TAL1: variants seen among roughly 807,000 people sequenced by gnomAD.
TAL1 encodes the protein T-cell acute lymphocytic leukemia protein 1.
TAL1 carries 8 observed loss-of-function variants against 17.9 expected under a neutral mutation model. That is an observed-to-expected ratio of 0.45 (90% CI 0.26 to 0.81). The LOEUF is 0.81. Among genes scored for constraint, TAL1 ranks in the 30% least tolerant of loss-of-function variants. TAL1 has a pLI of 0.17. For missense variants in TAL1, 466 were observed against 486.9 expected (o/e 0.96, Z 0.40); for synonymous variants, 223 against 218.6 (o/e 1.02, Z -0.18).
chr1:47,222,116 A>G (rs1307713521), intron 3 of TAL1, among the ~76,000 whole-genome samples: 1 of 152,234 alleles, frequency 6.6e-6, no homozygotes, highest in Non-Finnish European at 1.5e-5. Context: ...AGCATCCCTC[A>G]GCAGTGACAT....
In TAL1 at chr1:47,217,482, C is replaced by CA. The variant is rs1645520260; in HGVS notation, c.*2237dup. 5 of 398,340 alleles carry CA rather than the reference C, an allele frequency of 1.3e-5. No homozygotes were observed. The South Asian group carries it at 6.4e-4, about 51-fold the overall frequency. 24.7% of individuals were successfully genotyped at this position (398,340 alleles called of 1,614,324 possible). ...AAAGCGGTTTACAATCTAAATTACC[C>CA]AAATGCTGGGCAGTCAGGCACACCG... On this transcript the variant is annotated 3_prime_UTR_variant, in exon 4 of 4. Coordinates refer to ENST00000294339, the Ensembl canonical transcript of TAL1.
At chr1:47,221,503 A>G (rs925053068) in intron 3 of TAL1, among the ~76,000 whole-genome samples, 1 of 152,228 alleles carries the variant, frequency 6.6e-6, no homozygotes, top group African/African-American at 2.4e-5. Context: ...CCAGGGGAAG[A>G]CAGTGAAGGG....
chr1:47,226,614 C>T (rs1029015436), intron 1 of TAL1, among the ~76,000 whole-genome samples: 4 of 152,334 alleles, frequency 2.6e-5, no homozygotes. Flanking sequence ...GTCCTCTGCC[C>T]GCCCAGCGGA....
intron 1 of TAL1, chr1:47,228,513 A>G (rs1051334686): frequency 5.4e-6 from 1 of 184,628 alleles, no homozygotes; most frequent in African/African-American, 2.3e-5. Flanking sequence ...GACAGCCAGA[A>G]TATTTCCACC....
At chr1:47,217,553 G>A (rs1216359875) in exon 4 of TAL1, 1 of 398,480 alleles carries the variant, frequency 2.5e-6, no homozygotes, top group African/African-American at 2.1e-5. Flanking sequence ...CCCCACTGCA[G>A]GATTGAGATT....
At chr1:47,225,811 C>T (rs1643900552) in exon 2 of TAL1, 5 of 1,574,268 alleles carry the variant, frequency 3.2e-6, no homozygotes, top group South Asian at 1.1e-5. Flanking sequence ...GCGGGGGGGC[C>T]ATGCTGGCCT....
intron 3 of TAL1, among the ~76,000 whole-genome samples, chr1:47,222,820 C>G (rs1346741073): frequency 2.0e-5 from 3 of 152,138 alleles, no homozygotes; most frequent in Non-Finnish European, 4.4e-5. Flanking sequence ...CTCCTGCACA[C>G]CCCACAAACC....
chr1:47,224,142 G>A, intron 2 of TAL1, 44 bp from the exon 4 acceptor site: 1 of 1,595,314 alleles, frequency 6.3e-7, no homozygotes, highest in Non-Finnish European at 8.6e-7. Flanking sequence ...ATGTTGAGGG[G>A]AGGGGAGAAA....
intron 3 of TAL1, among the ~76,000 whole-genome samples, chr1:47,222,200 A>G (rs1406099716): frequency 6.6e-6 from 1 of 152,204 alleles, no homozygotes; most frequent in Non-Finnish European, 1.5e-5. Flanking sequence ...GGGGGTACTT[A>G]TGACTGCTGT....
At chr1:47,223,217 G>A (rs1239829173) in intron 3 of TAL1, among the ~76,000 whole-genome samples, 2 of 152,152 alleles carry the variant, frequency 1.3e-5, no homozygotes, top group Admixed American at 1.3e-4. Flanking sequence ...AGTTCTGGGG[G>A]CATCTGGGTC....
At chr1:47,225,746 T>C (rs1643898808) in exon 2 of TAL1, 2 of 1,539,046 alleles carry the variant, frequency 1.3e-6, no homozygotes, top group South Asian at 1.2e-5. Flanking sequence ...GACTGGGGGC[T>C]CCGCTGCGGC....
exon 4 of TAL1, chr1:47,220,062 G>C: frequency 6.2e-7 from 1 of 1,613,990 alleles, no homozygotes; most frequent in Non-Finnish European, 8.5e-7. Context: ...TCTTGTCCGG[G>C]GGATGTGTGG....
chr1:47,219,897 G>GCCCCCCCC lies in TAL1; in HGVS notation c.818_819insGGGGGGGG (p.Ala275GlyfsTer173). ...GCAGGAGGTCATCTGGGGGCGCGCC[G>GCCCCCCCC]CCCCCTCCCCCACCTCCACCCCCAC... On this transcript the variant is annotated frameshift_variant, in exon 4 of 4. Coordinates refer to ENST00000294339, the Ensembl canonical transcript of TAL1. LOFTEE classifies it high-confidence loss of function. 6.0e-6 allele frequency: 9 copies of GCCCCCCCC among 1,506,152 alleles called. No individual in the cohort carries two copies. The highest frequency in any genetic ancestry group is 2.4e-5 in the East Asian group (1 of 41,496). The allele number at this position is 1,506,152 out of a possible 1,614,324, so 93.3% of individuals were successfully genotyped here.
chr1:47,221,924 T>A (rs1411575620), intron 3 of TAL1, among the ~76,000 whole-genome samples: 1 of 152,134 alleles, frequency 6.6e-6, no homozygotes, highest in Non-Finnish European at 1.5e-5. Context: ...AGGATCACCA[T>A]CCCCTGCCCA....
At position 47,219,035 on chromosome 1, in the gene TAL1, A is replaced by G. The variant is rs1645555662; in HGVS notation, c.*685T>C. On this transcript the variant is annotated 3_prime_UTR_variant, in exon 4 of 4. Coordinates refer to ENST00000294339, the Ensembl canonical transcript of TAL1. The stretch of plus-strand genomic sequence containing the variant: ...CCACAGCCACAGGCTTAGGAAGGCA[A>G]GTCTCATTGGGGAGAAAGCAGAACT... The G allele has an allele frequency of 2.9e-5, 9 of 311,790 alleles. No homozygotes were observed. The South Asian group carries it at 5.8e-4, about 20-fold the overall frequency. The allele number at this position is 311,790 out of a possible 1,614,324, so 19.3% of individuals were successfully genotyped here. A position where few individuals can be genotyped will look rare whatever the true frequency, so the allele number is the denominator to read the frequency against.
upstream of TAL1, chr1:47,231,555 C>A (rs1644014532): frequency 1.7e-5 from 4 of 233,932 alleles, no homozygotes; most frequent in African/African-American, 2.2e-5. Flanking sequence ...TCAAACGCAG[C>A]GGCTCACGGA....
At chr1:47,221,321 G>A (rs756841924) in intron 3 of TAL1, among the ~76,000 whole-genome samples, 12 of 152,182 alleles carry the variant, frequency 7.9e-5, no homozygotes, top group Admixed American at 6.5e-5. Flanking sequence ...TCTGAAGGCT[G>A]CCTCAGTCTC....
upstream of TAL1, chr1:47,230,206 A>G (rs1296383049): frequency 6.6e-6 from 1 of 152,234 alleles, no homozygotes; most frequent in Non-Finnish European, 1.5e-5. Context: ...TACAGCAATA[A>G]ACAAGGTAAA....
At chr1:47,224,666 G>A (rs539878073) in intron 2 of TAL1, among the ~76,000 whole-genome samples, 87 of 152,146 alleles carry the variant, frequency 5.7e-4, no homozygotes, top group African/African-American at 1.8e-3. Context: ...GAAATGCTCC[G>A]CCTAGCTCTC....
Sources: gnomAD v4.1 joint callset for allele counts (sites outside exome capture counted in the v4.1 genomes callset) on GRCh38, gnomAD v4.1.1 for gene constraint, MANE v1.5 for transcripts, NCBI Gene and HGNC (gene_info 2026-07-23, HGNC 2026-07-21) for gene names.